Variants in CLNK observed in about 807,000 individuals in gnomAD.
The protein encoded by CLNK is cytokine-dependent hematopoietic cell linker.
In CLNK, 74 loss-of-function variants were observed where a neutral mutation model predicts 68.6. The ratio of observed to expected loss-of-function variants is 1.08; its 90% CI spans 0.89 to 1.31. The LOEUF is 1.31. Among genes scored for constraint, CLNK ranks in the 50% most tolerant of loss-of-function variants. CLNK has a pLI of 0.00. For missense variants in CLNK, 553 were observed against 515.3 expected (o/e 1.07, Z -0.71); for synonymous variants, 198 against 172.2 (o/e 1.15, Z -1.17).
chr4:10,686,142 C>G (rs1725262912), upstream of CLNK, among the ~76,000 whole-genome samples: 1 of 152,138 alleles, frequency 6.6e-6, no homozygotes, highest in South Asian at 2.1e-4. Context: ...AGGCCTTTAT[C>G]CCCGGCTTGT....
chr4:10,597,940 T>G (rs755786508), intron 3 of CLNK, 38 bp downstream of exon 3: 1 of 1,386,066 alleles, frequency 7.2e-7, no homozygotes, highest in South Asian at 1.3e-5. Context: ...GAATTAAAAT[T>G]TTCACTCCTC....
At chr4:10,614,966 A>T (rs1342393415) in intron 2 of CLNK, among the ~76,000 whole-genome samples, 9 of 151,880 alleles carry the variant, frequency 5.9e-5, no homozygotes, top group South Asian at 2.1e-4. Flanking sequence ...AGGGAAGATC[A>T]CTTTAGGTCA....
At chr4:10,689,745 ATT>A (rs71651341), upstream of CLNK, among the ~76,000 whole-genome samples, 9 of 100,070 alleles carry the variant, frequency 9.0e-5, no homozygotes, top group East Asian at 2.8e-4. Context: ...AAACCCATGC[ATT>A]TTTTTTTTTT....
At chr4:10,699,529 T>TTTTTC in the CLNK span, among the ~76,000 whole-genome samples, 3 of 113,726 alleles carry the variant, frequency 2.6e-5, no homozygotes, top group Admixed American at 9.6e-5. Context: ...TTTTTTTTTT[T>TTTTTC]CTGAGACGGT....
At chr4:10,653,395 A>AC (rs966476331) in intron 2 of CLNK, among the ~76,000 whole-genome samples, 10 of 151,640 alleles carry the variant, frequency 6.6e-5, no homozygotes, top group South Asian at 2.1e-4. Flanking sequence ...CTCAAAAAAA[A>AC]CTCACAAAAT....
chr4:10,656,465 T>G (rs1359903620), intron 2 of CLNK: 1 of 151,944 alleles, frequency 6.6e-6, no homozygotes, highest in Non-Finnish European at 1.5e-5. Context: ...AAATACAGAT[T>G]AAAGCTATAC....
chr4:10,519,176 G>A (rs1231056820), intron 15 of CLNK, among the ~76,000 whole-genome samples: 1 of 152,146 alleles, frequency 6.6e-6, no homozygotes, highest in African/African-American at 2.4e-5. Context: ...GAGATGAAGT[G>A]AGATGAGCTG....
chr4:10,674,932 A>G lies in CLNK; in HGVS notation c.-42-7021T>C, dbSNP rs570506503. The stretch of plus-strand genomic sequence containing the variant: ...CATCCGTGTTCATGTTCATGAGAAT[A>G]CATGGACACAGGGAGGGGAACATCA... On this transcript the variant is annotated intron_variant, in intron 1 of 18. Transcript: ENST00000226951. Among the ~76,000 whole-genome samples the G allele has an allele frequency of 2.0e-5, 3 of 152,146 alleles. No homozygotes were observed. In the South Asian group the frequency reaches 6.2e-4, roughly 32 times the overall value.
At chr4:10,562,101 C>CTTTTTTTTTTTTTT (rs11345903) in intron 7 of CLNK, among the ~76,000 whole-genome samples, 3 of 129,290 alleles carry the variant, frequency 2.3e-5, no homozygotes, top group African/African-American at 5.8e-5. Context: ...TTTTTCTTTT[C>CTTTTTTTTTTTTTT]TTTTTTTTTT....
intron 2 of CLNK, among the ~76,000 whole-genome samples, chr4:10,643,683 T>C (rs988840980): frequency 6.6e-6 from 1 of 152,214 alleles, no homozygotes; most frequent in East Asian, 1.9e-4. Context: ...CACTTTCTAA[T>C]ATACCCCCAG....
At chr4:10,649,766 C>T (rs1723655086) in intron 2 of CLNK, among the ~76,000 whole-genome samples, 1 of 137,062 alleles carries the variant, frequency 7.3e-6, no homozygotes, top group Non-Finnish European at 1.6e-5. Context: ...TTAATAGTTC[C>T]TTTAGGCACC....
At chr4:10,586,096 C>T (rs1163882819) in intron 3 of CLNK, among the ~76,000 whole-genome samples, 7 of 152,100 alleles carry the variant, frequency 4.6e-5, no homozygotes, top group Admixed American at 4.6e-4. Flanking sequence ...GCTGCTGCTG[C>T]TCCGACAGGA....
At chr4:10,536,898 G>T (rs939771315) in intron 11 of CLNK, among the ~76,000 whole-genome samples, 2 of 151,860 alleles carry the variant, frequency 1.3e-5, no homozygotes, top group South Asian at 4.2e-4. Flanking sequence ...TGCCCGCAGA[G>T]GGACGCATTT....
At chr4:10,587,131 A>G (rs1002810657) in intron 3 of CLNK, among the ~76,000 whole-genome samples, 5 of 151,938 alleles carry the variant, frequency 3.3e-5, no homozygotes, top group Admixed American at 6.6e-5. Context: ...CACTGGGCTA[A>G]TTTTTTGTAT....
chr4:10,557,983 C>T (rs570593920), intron 8 of CLNK, among the ~76,000 whole-genome samples: 82 of 152,286 alleles, frequency 5.4e-4, no homozygotes, highest in African/African-American at 1.9e-3. Flanking sequence ...TAGGCTCGTA[C>T]CTGTATTTTC....
At chr4:10,657,812 T>G (rs990751435) in intron 2 of CLNK, among the ~76,000 whole-genome samples, 4 of 152,208 alleles carry the variant, frequency 2.6e-5, no homozygotes, top group Admixed American at 2.0e-4. Context: ...CACTGCAGCT[T>G]CTTCTTCTCC....
chr4:10,487,405 C>A lies in CLNK; in HGVS notation c.*3062G>T, dbSNP rs1043657654. Reference sequence around the variant, plus strand: ...AAGTGTTGTAAGAAACAAATACAATCGAATTTATATACTCTTATTATTTAA... The same window carrying A: ...AAGTGTTGTAAGAAACAAATACAATAGAATTTATATACTCTTATTATTTAA... On this transcript the variant is annotated 3_prime_UTR_variant, in exon 19 of 19. Transcript: ENST00000226951. The A allele has an allele frequency of 2.6e-5, 4 of 152,094 alleles. No homozygotes were observed. The highest frequency in any genetic ancestry group is 2.9e-5 in the Non-Finnish European group (2 of 68,012). 9.4% of individuals were successfully genotyped at this position (152,094 alleles called of 1,614,324 possible).
At chr4:10,594,731 C>T (rs765693444) in intron 3 of CLNK, among the ~76,000 whole-genome samples, 2 of 152,194 alleles carry the variant, frequency 1.3e-5, no homozygotes, top group African/African-American at 2.4e-5. Context: ...TATGTATATG[C>T]TGACATATAC....
At chr4:10,656,501 T>A (rs1437143876) in intron 2 of CLNK, 1 of 152,042 alleles carries the variant, frequency 6.6e-6, no homozygotes, top group African/African-American at 2.4e-5. Context: ...CAGATTAAAA[T>A]CACCCACTGG....
Sources: allele counts gnomAD v4.1 joint callset (sites outside exome capture counted in the v4.1 genomes callset), GRCh38; gene constraint gnomAD v4.1.1; transcripts MANE v1.5; gene names NCBI Gene and HGNC (gene_info 2026-07-23, HGNC 2026-07-21).